EMG1: variants seen among roughly 807,000 people sequenced by gnomAD.
EMG1 encodes the protein ribosomal RNA small subunit methyltransferase NEP1.
EMG1 carries 24 observed loss-of-function variants against 26.9 expected under a neutral mutation model. The ratio of observed to expected loss-of-function variants is 0.89; its 90% confidence interval spans 0.65 to 1.26. EMG1 has a LOEUF of 1.26. Ranked by LOEUF, EMG1 falls within the 50% of genes most tolerant of loss-of-function variation. The pLI is 0.00. For synonymous variants in EMG1, 140 were observed against 112.6 expected, an observed-to-expected ratio of 1.24 and a Z score of -1.54; for missense variants, 299 against 307.6, an observed-to-expected ratio of 0.97 and a Z score of 0.21.
At chr12:6,975,478 A>G (rs1250005286) in intron 5 of EMG1, 100 bp downstream of exon 5, 5 of 1,317,384 alleles carry the variant, frequency 3.8e-6, no homozygotes, top group Non-Finnish European at 5.2e-6. Context: ...ATGAGCTAGA[A>G]GACACATGAC....
intron 1 of EMG1, among the ~76,000 whole-genome samples, chr12:6,973,538 C>T (rs118168064): frequency 0.027 from 4,074 of 152,038 alleles, 281 homozygotes; most frequent in Admixed American, 0.15. Context: ...GATTAAACTG[C>T]CTCCTGCATC....
intron 1 of EMG1, among the ~76,000 whole-genome samples, 169 bp from the exon 2 acceptor site, chr12:6,974,170 C>T (rs1946364760): frequency 6.6e-6 from 1 of 152,204 alleles, no homozygotes; most frequent in Admixed American, 6.5e-5. Context: ...GCTTGCTGGG[C>T]TCCACCCCCA....
rs1486430363 is a variant in EMG1, at chr12:6,977,544, C to T, written c.*1735C>T. The T allele has an allele frequency of 1.9e-6, 3 of 1,614,016 alleles. No homozygotes were observed. The African/African-American group carries it at 4.0e-5, about 22-fold the overall frequency. ...TGGCAGCCTGGGGAGGGAGGAGGAG[C>T]TCATCAGCATCTTGTCCCTTATATT... is the stretch of plus-strand genomic sequence containing the variant. On this transcript the variant is annotated 3_prime_UTR_variant, in exon 6 of 6. Coordinates refer to ENST00000599672, the MANE Select transcript of EMG1 (RefSeq NM_006331.8). This position sits in a 1 kb window ranked among gnomAD's most constrained non-coding sequence, Gnocchi z 4.5.
chr12:6,974,856 C>T, intron 3 of EMG1, 163 bp downstream of exon 3: 2 of 886,740 alleles, frequency 2.3e-6, no homozygotes, highest in Admixed American at 2.2e-5. Context: ...TTTGTGGAAA[C>T]TCCACTCCTG....
Position 6,978,561 on chromosome 12 carries a change from T to C in EMG1, c.*2752T>C, listed in dbSNP as rs376920899. 16 of 1,613,434 alleles carry C rather than the reference T, an allele frequency of 9.9e-6. No homozygotes were observed. Among genetic ancestry groups the C allele is most frequent in the East Asian group, 8.9e-5 (4 of 44,870 alleles). ...TTGCCACTCCCCATACTGGCCCCCATGGCTTGTCTAAATAGGACCTTGTTT... is the reference window on the plus strand; with the variant it reads ...TTGCCACTCCCCATACTGGCCCCCACGGCTTGTCTAAATAGGACCTTGTTT... On this transcript the variant is annotated 3_prime_UTR_variant, in exon 6 of 6. Transcript: ENST00000599672.
At position 6,977,301 on chromosome 12, in the gene EMG1, G is replaced by A. The variant is rs1555153377; in HGVS notation, c.*1492G>A. On this transcript the variant is annotated 3_prime_UTR_variant, in exon 6 of 6. Transcript: ENST00000599672. This position sits in a 1 kb window ranked among gnomAD's most constrained non-coding sequence, Gnocchi z 4.5. ...GGCCACTAAGGTAGACAGGCCTGGA[G>A]TGTCCTTTGCAACCTTTGAGGTTGC... 3.7e-6 allele frequency: 6 copies of A among 1,611,586 alleles called. No homozygotes were observed. Among genetic ancestry groups the A allele is most frequent in the Admixed American group, 1.7e-5 (1 of 59,986 alleles).
rs1385269344 is a variant in EMG1 at position 6,979,903 on chromosome 12, G to C, written c.*4094G>C. The C allele has an allele frequency of 3.6e-6, 1 of 274,762 alleles. No individual in the cohort carries two copies. Among genetic ancestry groups the C allele is most frequent in the Non-Finnish European group, 6.8e-6 (1 of 146,802 alleles). 17.0% of individuals were successfully genotyped at this position (274,762 alleles called of 1,614,324 possible). A position where few individuals can be genotyped will look rare whatever the true frequency, so the allele number is the denominator to read the frequency against. ...AATCTCCATTGGGACTGAAAACCCA[G>C]TGGAGGTAAGATAATAAAAATAACC... On this transcript the variant is annotated 3_prime_UTR_variant, in exon 6 of 6. Coordinates refer to ENST00000599672, the MANE Select transcript of EMG1 (RefSeq NM_006331.8).
downstream of EMG1, chr12:6,980,772 T>C (rs1946462408): frequency 2.7e-6 from 1 of 367,110 alleles, no homozygotes; most frequent in South Asian, 1.1e-4. Context: ...GGCAAAATCC[T>C]GTGGCATAAA....
chr12:6,971,882 C>T (rs928085403), intron 1 of EMG1, among the ~76,000 whole-genome samples: 1 of 152,146 alleles, frequency 6.6e-6, no homozygotes, highest in African/African-American at 2.4e-5. Context: ...TTTACATCTG[C>T]ATTTTTATCT....
chr12:6,995,406 G>A (rs147612087), intron 7 of EMG1, among the ~76,000 whole-genome samples: 3 of 151,900 alleles, frequency 2.0e-5, no homozygotes, highest in Non-Finnish European at 2.9e-5. Flanking sequence ...CCCAGGAGGC[G>A]GAGGTTGCAG....
intron 5 of EMG1, 25 bp from the exon 6 acceptor site, chr12:6,975,671 G>A: frequency 6.8e-7 from 1 of 1,474,310 alleles, no homozygotes; most frequent in Non-Finnish European, 9.5e-7. Flanking sequence ...GACAGAGTTG[G>A]CTGACAAAAC....
At chr12:6,981,642 G>T (rs782731092), downstream of EMG1, 2 of 1,580,944 alleles carry the variant, frequency 1.3e-6, no homozygotes, top group East Asian at 2.4e-5. Context: ...CCTGAGCAGA[G>T]AGAGAACGGA....
Position 6,987,534 on chromosome 12 carries a change from A to C in EMG1, c.*155-248A>C, listed in dbSNP as rs1451633558. On this transcript the variant is annotated intron_variant and NMD_transcript_variant, in intron 6 of 7. Coordinates refer to the EMG1 transcript ENST00000261406. The surrounding 1 kb of genome is among the most constrained non-coding windows in gnomAD (Gnocchi z 4.1). ...TAAGAACTAGAGCCAGGAACTAGAA[A>C]GTATATAGACTAAATGTCAATGCCT... is the stretch of plus-strand genomic sequence containing the variant. Among the ~76,000 whole-genome samples, 9 of 152,242 alleles carry C rather than the reference A, an allele frequency of 5.9e-5. No individual in the cohort carries two copies. The highest frequency in any genetic ancestry group is 2.0e-4 in the Admixed American group (3 of 15,278).
rs1211990652 is a variant in EMG1 at position 6,979,048 on chromosome 12, T to C, written c.*3239T>C. ...AGAAACCTGCCCAGAATTACTGAAC[T>C]GTTTTCAAGCCTTTCAGCTGGGCAG... is the stretch of plus-strand genomic sequence containing the variant. On this transcript the variant is annotated 3_prime_UTR_variant, in exon 6 of 6. Transcript: ENST00000599672. 1.1e-4 allele frequency: 34 copies of C among 305,472 alleles called. No individual in the cohort carries two copies. The highest frequency in any genetic ancestry group is 2.0e-4 in the Non-Finnish European group (33 of 164,056). The allele number at this position is 305,472 out of a possible 1,614,324, so 18.9% of individuals were successfully genotyped here.
downstream of EMG1, among the ~76,000 whole-genome samples, chr12:6,982,354 T>C (rs1555154218): frequency 6.6e-6 from 1 of 152,186 alleles, no homozygotes; most frequent in African/African-American, 2.4e-5. Context: ...TTAGGTTCTT[T>C]AACTCATTCT....
chr12:6,983,044 C>A, downstream of EMG1: 1 of 572,620 alleles, frequency 1.7e-6, no homozygotes, highest in Non-Finnish European at 3.3e-6. Flanking sequence ...TGCAGTAGCT[C>A]AATCATAGCT....
chr12:6,995,565 A>G (rs1946629451), intron 7 of EMG1, among the ~76,000 whole-genome samples: 1 of 151,690 alleles, frequency 6.6e-6, no homozygotes, highest in South Asian at 2.1e-4. Flanking sequence ...AGTCTCTCTC[A>G]CCATCACTGT....
chr12:6,992,747 C>T (rs1225870691), downstream of EMG1, among the ~76,000 whole-genome samples: 1 of 152,164 alleles, frequency 6.6e-6, no homozygotes, highest in Admixed American at 6.5e-5. Flanking sequence ...ACTTCTCTTT[C>T]ACTGGTTTCA....
downstream of EMG1, chr12:6,982,039 G>A (rs1555154170): frequency 3.2e-6 from 2 of 626,290 alleles, no homozygotes. Context: ...ACAAATGGAG[G>A]TGCTGAAAAC....
Sources: gnomAD v4.1 joint callset for allele counts (sites outside exome capture counted in the v4.1 genomes callset) on GRCh38, gnomAD v4.1.1 for gene constraint, Gnocchi (gnomAD v3.1) non-coding constraint, MANE v1.5 for transcripts, NCBI Gene and HGNC (gene_info 2026-07-23, HGNC 2026-07-21) for gene names.